ABCG4: variants seen among roughly 807,000 people sequenced by gnomAD.
ABCG4 encodes the protein ATP binding cassette subfamily G member 4, also known as ATP-binding cassette sub-family G member 4.
In ABCG4, 35 loss-of-function variants were observed where a neutral mutation model predicts 64.6. The ratio of observed to expected loss-of-function variants is 0.54; its 90% CI spans 0.41 to 0.72. ABCG4 has a LOEUF of 0.72. ABCG4 is among the 30% of genes least tolerant of loss of function. ABCG4 has a pLI of 0.00. For synonymous variants in ABCG4, 326 were observed against 348.2 expected (o/e 0.94, Z 0.71); for missense variants, 610 against 846.3 (o/e 0.72, Z 3.46).
intron 2 of ABCG4, among the ~76,000 whole-genome samples, chr11:119,151,160 C>T (rs536602984): frequency 6.6e-6 from 1 of 152,248 alleles, no homozygotes; most frequent in Non-Finnish European, 1.5e-5. Flanking sequence ...CCTAAGCAAC[C>T]TCTTTCGGTC....
chr11:119,160,811 G>A lies in ABCG4; in HGVS notation c.1716-70G>A, dbSNP rs534459024. ...CCAGGGATGACAGCATTGCAGCTGG[G>A]CTCTGGCAGTTTTCTCAGAGAGCAG... On this transcript the variant is annotated intron_variant, in intron 14 of 14. Coordinates refer to ENST00000619701, the MANE Select transcript of ABCG4 (RefSeq NM_022169.5). The surrounding 1 kb of genome is among the most constrained non-coding windows in gnomAD (Gnocchi z 4.6). 104 of 1,544,268 alleles carry A rather than the reference G, an allele frequency of 6.7e-5. No homozygotes were observed. The East Asian group carries it at 2.3e-3, about 34-fold the overall frequency.
Position 119,150,185 on chromosome 11 carries a change from C to T in ABCG4, c.220C>T (p.Pro74Ser), listed in dbSNP as rs199826436. ...GCTGTCCTATTCCGTGCGGGAGGGG[C>T]CCTGCTGGCGCAAAAGGGGTAGGGA... The part of the protein sequence containing the change: ...VELSYSVREG[P>S]CWRKRGYKTL... Residue 74 changes from proline to serine, a missense_variant, in exon 2 of 15, where the codon CCC becomes TCC. Coordinates refer to ENST00000619701, the MANE Select transcript of ABCG4 (RefSeq NM_022169.5). The surrounding 1 kb of genome is among the most constrained non-coding windows in gnomAD (Gnocchi z 4.3). The T allele has an allele frequency of 4.4e-5, 71 of 1,613,776 alleles. 1 individual carries two copies. The East Asian group carries it at 1.5e-3, about 34-fold the overall frequency.
At chr11:119,159,824 G>C (rs961769323) in intron 12 of ABCG4, among the ~76,000 whole-genome samples, 1 of 152,146 alleles carries the variant, frequency 6.6e-6, no homozygotes, top group Non-Finnish European at 1.5e-5. Context: ...CCCTTGAGCA[G>C]TGGATGACTG....
Position 119,160,356 on chromosome 11 carries a change from C to T in ABCG4, c.1567C>T (p.Leu523=), listed in dbSNP as rs1237270177. The T allele has an allele frequency of 6.2e-7, 1 of 1,612,036 alleles. No homozygotes were observed. Among genetic ancestry groups the T allele is most frequent in the Non-Finnish European group, 8.5e-7 (1 of 1,178,470 alleles). ...CTTGGTGGCCCAATCTTTGGGGCTG[C>T]TGATCGGAGCTGCTTCCAACTCCCT... ...TALVAQSLGL[L]IGAASNSLQV... is the part of the protein sequence containing the mutation. Residue 523 remains leucine (L), a synonymous_variant, in exon 13 of 15, where the codon CTG becomes TTG. Transcript: ENST00000619701. The surrounding 1 kb of genome is among the most constrained non-coding windows in gnomAD (Gnocchi z 4.6).
Position 119,156,274 on chromosome 11 carries a change from C to T in ABCG4, c.687-55C>T. On this transcript the variant is annotated intron_variant, in intron 6 of 14. Coordinates refer to ENST00000619701, the MANE Select transcript of ABCG4 (RefSeq NM_022169.5). This position sits in a 1 kb window ranked among gnomAD's most constrained non-coding sequence, Gnocchi z 5.5. ...GCAGCTGCCCCGCCCCAGACACTCC[C>T]TTCTTTTGGCCTCACCCACCTCACG... The T allele has an allele frequency of 2.5e-6, 4 of 1,612,046 alleles. No homozygotes were observed. The highest frequency in any genetic ancestry group is 2.5e-6 in the Non-Finnish European group (3 of 1,178,590).
rs1042165001 is a variant in ABCG4, at chr11:119,161,394, C to T, written c.*288C>T. 3.1e-6 allele frequency: 1 copy of T among 323,200 alleles called. No homozygotes were observed. The highest frequency in any genetic ancestry group is 5.8e-6 in the Non-Finnish European group (1 of 172,896). 20.0% of individuals were successfully genotyped at this position (323,200 alleles called of 1,614,324 possible). On this transcript the variant is annotated 3_prime_UTR_variant, in exon 15 of 15. Coordinates refer to ENST00000619701, the MANE Select transcript of ABCG4 (RefSeq NM_022169.5). ...GCATGCAAAGACTACTGGGAGGCTG[C>T]TGCCTCCTTCCTGCCCATGGCACCC...
Position 119,160,985 on chromosome 11 carries a change from G to A in ABCG4, c.1820G>A (p.Arg607Gln), listed in dbSNP as rs771746468. The change falls in exon 15 of 15, where the codon CGA (arginine) becomes CAA (glutamine). Residue 607 changes from arginine to glutamine, a missense_variant. Coordinates refer to ENST00000619701, the MANE Select transcript of ABCG4 (RefSeq NM_022169.5). This position sits in a 1 kb window ranked among gnomAD's most constrained non-coding sequence, Gnocchi z 4.6. ...CPFREPQSIL[R>Q]ALDVEDAKLY... is the part of the protein sequence containing the mutation. ...TTCCGGGAGCCACAGAGCATCCTCC[G>A]AGCGCTGGATGTGGAGGATGCCAAG... The A allele has an allele frequency of 7.4e-6, 12 of 1,613,954 alleles. No individual in the cohort carries two copies. The highest frequency in any genetic ancestry group is 1.6e-4 in the Middle Eastern group (1 of 6,080).
chr11:119,159,794 G>C (rs1475506666), intron 12 of ABCG4, among the ~76,000 whole-genome samples: 2 of 152,080 alleles, frequency 1.3e-5, no homozygotes, highest in Non-Finnish European at 2.9e-5. Context: ...CCTTTGGCCT[G>C]GTTGGCTCTT....
chr11:119,152,112 T>C (rs1948199979), intron 2 of ABCG4, among the ~76,000 whole-genome samples: 1 of 152,224 alleles, frequency 6.6e-6, no homozygotes. Context: ...TGTGAGTGGC[T>C]CTGAAAGGCA....
In ABCG4 at chr11:119,156,215, G is replaced by C. The variant is rs1948261435; in HGVS notation, c.687-114G>C. 7.1e-7 allele frequency: 1 copy of C among 1,411,736 alleles called. No homozygotes were observed. The highest frequency in any genetic ancestry group is 9.8e-7 in the Non-Finnish European group (1 of 1,018,580). 87.5% of individuals were successfully genotyped at this position (1,411,736 alleles called of 1,614,324 possible). Reference sequence around the variant, plus strand: ...CGTAAAGGATACAGATGCGGCCAGAGTGCCCTCTTCCTGCCAGCTTCATCC... The same window carrying C: ...CGTAAAGGATACAGATGCGGCCAGACTGCCCTCTTCCTGCCAGCTTCATCC... On this transcript the variant is annotated intron_variant, in intron 6 of 14. Coordinates refer to ENST00000619701, the MANE Select transcript of ABCG4 (RefSeq NM_022169.5). This position sits in a 1 kb window ranked among gnomAD's most constrained non-coding sequence, Gnocchi z 5.5.
chr11:119,153,837 C>T (rs1948225075), intron 2 of ABCG4, 189 bp from the exon 3 acceptor site: 4 of 608,600 alleles, frequency 6.6e-6, no homozygotes, highest in Middle Eastern at 2.6e-4. Context: ...TAGTGGTGGT[C>T]GTTTCTAGGG....
rs1214668568 is a variant in ABCG4 at position 119,160,111 on chromosome 11, C to A, written c.1438-116C>A. 3 of 1,135,130 alleles carry A rather than the reference C, an allele frequency of 2.6e-6. No homozygotes were observed. The African/African-American group carries it at 4.6e-5, about 18-fold the overall frequency. 70.3% of individuals were successfully genotyped at this position (1,135,130 alleles called of 1,614,324 possible). A position where few individuals can be genotyped will look rare whatever the true frequency, so the allele number is the denominator to read the frequency against. ...GACAGCTTGAACAAGAATGTGGAGG[C>A]AGGATGGACACCCTGGGAATAGGTA... On this transcript the variant is annotated intron_variant, in intron 12 of 14. Coordinates refer to ENST00000619701, the MANE Select transcript of ABCG4 (RefSeq NM_022169.5). This position sits in a 1 kb window ranked among gnomAD's most constrained non-coding sequence, Gnocchi z 4.6.
In ABCG4 at chr11:119,160,522, C is replaced by CGGGG; in HGVS notation, c.1597-16_1597-15insGGGG. On this transcript the variant is annotated splice_polypyrimidine_tract_variant and intron_variant, in intron 13 of 14. Coordinates refer to ENST00000619701, the MANE Select transcript of ABCG4 (RefSeq NM_022169.5). The surrounding 1 kb of genome is among the most constrained non-coding windows in gnomAD (Gnocchi z 4.6). ...GTCACCCCTATGATGGCCTGGCCCC[C>CGGGG]TCCCTTCCCCTCTAGGTGGCCACTT... The CGGGG allele has an allele frequency of 1.3e-6, 2 of 1,574,608 alleles. No individual in the cohort carries two copies. Among genetic ancestry groups the CGGGG allele is most frequent in the Non-Finnish European group, 1.7e-6 (2 of 1,148,202 alleles).
Position 119,162,116 on chromosome 11 carries a change from C to CT in ABCG4, c.*1011dup, listed in dbSNP as rs1185149233. 6.5e-6 allele frequency: 1 copy of CT among 152,890 alleles called. No homozygotes were observed. The highest frequency in any genetic ancestry group is 6.5e-5 in the Admixed American group (1 of 15,278). 9.5% of individuals were successfully genotyped at this position (152,890 alleles called of 1,614,324 possible). Reference sequence around the variant, plus strand: ...TCCTGGGGATCCCATGTTGGAGACTCTAAGGATAAGGCTGGTGCTGCCCAG... The same window carrying CT: ...TCCTGGGGATCCCATGTTGGAGACTCTTAAGGATAAGGCTGGTGCTGCCCAG... On this transcript the variant is annotated 3_prime_UTR_variant, in exon 15 of 15. Coordinates refer to ENST00000619701, the MANE Select transcript of ABCG4 (RefSeq NM_022169.5).
Position 119,158,452 on chromosome 11 carries a change from G to A in ABCG4, c.1168-105G>A. On this transcript the variant is annotated intron_variant, in intron 10 of 14. Coordinates refer to ENST00000619701, the MANE Select transcript of ABCG4 (RefSeq NM_022169.5). The surrounding 1 kb of genome is among the most constrained non-coding windows in gnomAD (Gnocchi z 4.5). ...TCACAGCCCTGCAATGTGCCTGTGG[G>A]GTCTCTGTGCCTGTGAGGGCAGCTC... The A allele has an allele frequency of 1.9e-6, 3 of 1,561,114 alleles. No homozygotes were observed. The highest frequency in any genetic ancestry group is 2.6e-6 in the Non-Finnish European group (3 of 1,132,972).
chr11:119,153,121 G>C (rs1177247200), intron 2 of ABCG4: 1 of 152,414 alleles, frequency 6.6e-6, no homozygotes, highest in East Asian at 1.9e-4. Flanking sequence ...GCCAAGCACT[G>C]TGTCATGTGT....
chr11:119,150,792 CCAT>C lies in ABCG4; in HGVS notation c.238+590_238+592del, dbSNP rs1948186100. Reference sequence around the variant, plus strand: ...ACCAGAAGCCCGGTTTCCCAGCTCTCCATGCATTGTTCCTTTCTCTCTCTTCCC... The same window carrying C: ...ACCAGAAGCCCGGTTTCCCAGCTCTCGCATTGTTCCTTTCTCTCTCTTCCC... On this transcript the variant is annotated intron_variant, in intron 2 of 14. Transcript: ENST00000619701. This position sits in a 1 kb window ranked among gnomAD's most constrained non-coding sequence, Gnocchi z 4.3. Among the ~76,000 whole-genome samples, 1 of 152,186 alleles carries C rather than the reference CCAT, an allele frequency of 6.6e-6. No homozygotes were observed. Among genetic ancestry groups the C allele is most frequent in the Non-Finnish European group, 1.5e-5 (1 of 68,038 alleles).
rs768874082 is a variant in ABCG4, at chr11:119,158,347, TG to T, written c.1167+20del. 1.2e-6 allele frequency: 2 copies of T among 1,613,208 alleles called. No individual in the cohort carries two copies. Among genetic ancestry groups the T allele is most frequent in the Non-Finnish European group, 8.5e-7 (1 of 1,179,224 alleles). On this transcript the variant is annotated intron_variant, in intron 10 of 14. Transcript: ENST00000619701. The surrounding 1 kb of genome is among the most constrained non-coding windows in gnomAD (Gnocchi z 4.5). The stretch of plus-strand genomic sequence containing the variant: ...TCAGGGACACGGTGAGGCGTCAGGC[TG>T]GGGGAGAGGAGGCTGGCACAGGCCT...
In ABCG4 at chr11:119,149,729, G is replaced by A; in HGVS notation, c.-12-225G>A. The A allele has an allele frequency of 1.6e-6, 1 of 628,578 alleles. No homozygotes were observed. The highest frequency in any genetic ancestry group is 2.3e-5 in the South Asian group (1 of 42,580). The allele number at this position is 628,578 out of a possible 1,614,324, so 38.9% of individuals were successfully genotyped here. ...AAGCCGCCGGGAGGAAGGAGCGATT[G>A]AGGGCTTCAAGGGGACGGGCTGGGG... is the stretch of plus-strand genomic sequence containing the variant. On this transcript the variant is annotated intron_variant, in intron 1 of 14. Coordinates refer to ENST00000619701, the MANE Select transcript of ABCG4 (RefSeq NM_022169.5). This position sits in a 1 kb window ranked among gnomAD's most constrained non-coding sequence, Gnocchi z 8.3.
Sources: allele counts gnomAD v4.1 joint callset (sites outside exome capture counted in the v4.1 genomes callset), GRCh38; gene constraint gnomAD v4.1.1; non-coding constraint Gnocchi (gnomAD v3.1); transcripts MANE v1.5; gene names NCBI Gene and HGNC (gene_info 2026-07-23, HGNC 2026-07-21).